Variants in VWA3A observed in about 807,000 individuals in gnomAD.
VWA3A encodes von Willebrand factor A domain containing 3A.
In VWA3A, 134 loss-of-function variants were observed where a neutral mutation model predicts 160.4. That is an observed-to-expected ratio of 0.84 (90% CI 0.73 to 0.96). The LOEUF (loss-of-function observed/expected upper bound fraction) is 0.96. Among genes scored for constraint, VWA3A ranks in the 40% least tolerant of loss-of-function variants. The pLI is 0.00. For synonymous variants in VWA3A, 476 were observed against 543.4 expected (o/e 0.88, Z 1.72); for missense variants, 1,310 against 1,447.9 (o/e 0.90, Z 1.55).
intron 21 of VWA3A, among the ~76,000 whole-genome samples, chr16:22,136,634 G>A (rs557542372): frequency 2.0e-5 from 3 of 152,164 alleles, no homozygotes; most frequent in Admixed American, 1.3e-4. Context: ...GCAGGGCCAC[G>A]TCTCCATCTT....
intron 21 of VWA3A, among the ~76,000 whole-genome samples, chr16:22,135,530 C>T (rs1167641621): frequency 2.0e-5 from 3 of 152,210 alleles, no homozygotes; most frequent in Admixed American, 2.0e-4. Context: ...GGACACACCT[C>T]ATCCCATGTC....
intron 6 of VWA3A, among the ~76,000 whole-genome samples, chr16:22,107,685 G>T (rs898346156): frequency 2.0e-5 from 3 of 152,196 alleles, no homozygotes; most frequent in Admixed American, 2.0e-4. Flanking sequence ...GTTCCAGGCT[G>T]CAGTGAGCTA....
At chr16:22,115,323 G>T (rs762035250) in intron 8 of VWA3A, 24 bp from the exon 9 acceptor site, 2 of 1,563,780 alleles carry the variant, frequency 1.3e-6, no homozygotes, top group South Asian at 1.2e-5. Context: ...TTATAATTAG[G>T]TTGCTGTTGT....
intron 26 of VWA3A, 56 bp downstream of exon 26, chr16:22,144,440 G>T (rs2046211671): frequency 6.3e-7 from 1 of 1,599,396 alleles, no homozygotes; most frequent in Non-Finnish European, 8.5e-7. Context: ...AGCTGCAAAT[G>T]GCAGAGAGCA....
Position 22,115,395 on chromosome 16 carries a change from C to G in VWA3A, c.738C>G (p.Gly246=). 2.5e-6 allele frequency: 4 copies of G among 1,602,330 alleles called. No homozygotes were observed. Among genetic ancestry groups the G allele is most frequent in the Non-Finnish European group, 3.4e-6 (4 of 1,174,480 alleles). ...LWVKTLQPDG[G]SNLLQALKKI... is the part of the protein sequence containing the mutation. Reference sequence around the variant, plus strand: ...TAAAGACGCTGCAGCCTGATGGAGGCAGCAACCTGCTACAAGCTCTGAAGA... The same window carrying G: ...TAAAGACGCTGCAGCCTGATGGAGGGAGCAACCTGCTACAAGCTCTGAAGA... Residue 246 remains glycine, a synonymous_variant, in exon 9 of 34, where the codon GGC becomes GGG. Coordinates refer to ENST00000389398, the MANE Select transcript of VWA3A (RefSeq NM_173615.5).
Position 22,109,594 on chromosome 16 carries a change from G to T in VWA3A, c.582+14G>T. The T allele has an allele frequency of 1.2e-6, 2 of 1,610,760 alleles. No homozygotes were observed. The highest frequency in any genetic ancestry group is 1.7e-6 in the Non-Finnish European group (2 of 1,178,252). On this transcript the variant is annotated intron_variant, in intron 7 of 33. Coordinates refer to ENST00000389398, the MANE Select transcript of VWA3A (RefSeq NM_173615.5). ...AAGGACCTCATGGTAAGTCTGTCTG[G>T]CACAGAGAAACACCTGGAACCACCC...
chr16:22,105,786 T>C lies in VWA3A; in HGVS notation c.483+2257T>C, dbSNP rs148798866. 2.9e-3 allele frequency among the ~76,000 whole-genome samples: 445 copies of C among 152,368 alleles called. 1 individual carries two copies. The highest frequency in any genetic ancestry group is 5.0e-3 in the Admixed American group (76 of 15,314). On this transcript the variant is annotated intron_variant, in intron 6 of 33. Transcript: ENST00000389398. ...AATTCCAAAAGCTGTAAAGCCCTCA[T>C]GGCAGCTTGTTTTTAATTTAAAAAA...
In VWA3A at chr16:22,149,932, G is replaced by A; in HGVS notation, c.3129+1G>A. On this transcript the variant is annotated splice_donor_variant, in intron 29 of 33. Coordinates refer to ENST00000389398, the MANE Select transcript of VWA3A (RefSeq NM_173615.5). LOFTEE classifies it high-confidence loss of function. The stretch of plus-strand genomic sequence containing the variant: ...CACCTCCATCTTGCAAGCATTGCTG[G>A]CAAGTCCCACCACGGAGCCCGACCT... The A allele has an allele frequency of 6.2e-7, 1 of 1,603,134 alleles. No individual in the cohort carries two copies.
chr16:22,152,554 G>A lies in VWA3A; in HGVS notation c.3325G>A (p.Gly1109Arg), dbSNP rs201435937. 1.2e-3 allele frequency: 1,880 copies of A among 1,612,570 alleles called. 5 individuals are homozygous for A. Among genetic ancestry groups the A allele is most frequent in the Non-Finnish European group, 1.3e-3 (1,547 of 1,179,294 alleles). Residue 1109 changes from glycine (G) to arginine (R), a missense_variant, in exon 31 of 34, where the codon GGA (glycine) becomes AGA (arginine). Transcript: ENST00000389398. The stretch of plus-strand genomic sequence containing the variant: ...GAGAAAGCTGGCTTCCTTCACCGGC[G>A]GACGCTATCACTGCCCTGTGGGTGA... ...FLRKLASFTGGRYHCPVGEDT... is the reference protein window; with the variant it reads ...FLRKLASFTGRRYHCPVGEDT...
chr16:22,123,588 C>T, intron 15 of VWA3A, 25 bp from the exon 16 acceptor site: 3 of 1,613,868 alleles, frequency 1.9e-6, no homozygotes, highest in Non-Finnish European at 1.7e-6. Flanking sequence ...TGAGCAGCCG[C>T]TCACTGTGGC....
At chr16:22,103,408 A>G (rs1283621826) in intron 5 of VWA3A, 67 bp from the exon 6 acceptor site, 3 of 1,390,966 alleles carry the variant, frequency 2.2e-6, no homozygotes, top group Non-Finnish European at 3.0e-6. Flanking sequence ...CCTTTTGTGT[A>G]TGTAAGTGGC....
chr16:22,109,400 T>A (rs897344215), intron 6 of VWA3A, 82 bp from the exon 7 acceptor site: 5 of 1,177,880 alleles, frequency 4.2e-6, no homozygotes, highest in African/African-American at 1.5e-5. Flanking sequence ...AGTGTTTGCA[T>A]CACTGCGTGG....
chr16:22,138,499 TG>T lies in VWA3A; in HGVS notation c.2284del (p.Ala762ProfsTer3). 3 of 1,613,840 alleles carry T rather than the reference TG, an allele frequency of 1.9e-6. No homozygotes were observed. The highest frequency in any genetic ancestry group is 2.5e-6 in the Non-Finnish European group (3 of 1,179,838). On this transcript the variant is annotated frameshift_variant, in exon 22 of 34. Coordinates refer to ENST00000389398, the MANE Select transcript of VWA3A (RefSeq NM_173615.5). LOFTEE classifies it high-confidence loss of function. ...TGCCCTCCCAGGCCCACCGTCCCCCTGGGGGCCAGAATGGTTTGACTCCCCT... is the reference window on the plus strand; with the variant it reads ...TGCCCTCCCAGGCCCACCGTCCCCCTGGGGCCAGAATGGTTTGACTCCCCT... ...KLCPPRPTVP[L>X]GARMSIKDDP...
At chr16:22,109,065 C>A (rs558170558) in intron 6 of VWA3A, among the ~76,000 whole-genome samples, 1 of 152,218 alleles carries the variant, frequency 6.6e-6, no homozygotes, top group East Asian at 1.9e-4. Context: ...AGCTGGCGAA[C>A]CTAACACATC....
In VWA3A at chr16:22,116,746, G is replaced by A; in HGVS notation, c.816-13G>A. On this transcript the variant is annotated splice_polypyrimidine_tract_variant and intron_variant, in intron 9 of 33. Coordinates refer to ENST00000389398, the MANE Select transcript of VWA3A (RefSeq NM_173615.5). ...GACCTGGGATTTCCACTTCTCTTCT[G>A]CCTTCTCCACAGCCCAGATCAGCCT... The A allele has an allele frequency of 1.2e-6, 2 of 1,608,644 alleles. No homozygotes were observed. Among genetic ancestry groups the A allele is most frequent in the Non-Finnish European group, 1.7e-6 (2 of 1,176,806 alleles).
chr16:22,101,194 C>T (rs1292951050), intron 5 of VWA3A, among the ~76,000 whole-genome samples: 1 of 151,418 alleles, frequency 6.6e-6, no homozygotes, highest in Non-Finnish European at 1.5e-5. Context: ...AAGTTCGAGG[C>T]TGCAGTGAGC....
At chr16:22,100,063 G>T in intron 3 of VWA3A, 131 bp from the exon 4 acceptor site, 1 of 1,165,508 alleles carries the variant, frequency 8.6e-7, no homozygotes, top group Non-Finnish European at 1.2e-6. Context: ...TGACAAGAGC[G>T]AAACTCCGTC....
intron 15 of VWA3A, 152 bp from the exon 16 acceptor site, chr16:22,123,461 G>C: frequency 6.4e-7 from 1 of 1,550,630 alleles, no homozygotes; most frequent in South Asian, 1.2e-5. Flanking sequence ...TGGTGAATTT[G>C]TTCATGATTT....
intron 12 of VWA3A, 131 bp downstream of exon 12, chr16:22,119,158 AG>A: frequency 1.0e-6 from 1 of 985,804 alleles, no homozygotes; most frequent in South Asian, 1.7e-5. Flanking sequence ...AAACAAGGCA[AG>A]GCCCACCCTC....
Sources: allele counts gnomAD v4.1 joint callset (sites outside exome capture counted in the v4.1 genomes callset), GRCh38; gene constraint gnomAD v4.1.1; transcripts MANE v1.5; gene names NCBI Gene and HGNC (gene_info 2026-07-23, HGNC 2026-07-21).